The following NRXN3 variants were observed in gnomAD, a reference collection of about 807,000 sequenced individuals.
NRXN3 encodes neurexin III.
NRXN3 carries 32 observed loss-of-function variants against 137.6 expected under a neutral mutation model. The observed-to-expected ratio is 0.23, with a 90% CI of 0.18 to 0.31. The LOEUF (loss-of-function observed/expected upper bound fraction) is 0.31, where lower values mean the gene tolerates loss of function less well. Ranked by LOEUF, NRXN3 falls within the 10% of genes least tolerant of loss-of-function variation. The pLI is 1.00. For synonymous variants in NRXN3, 798 were observed against 784.5 expected, an observed-to-expected ratio of 1.02 and a Z score of -0.29; for missense variants, 1,574 against 2,062.5, an observed-to-expected ratio of 0.76 and a Z score of 4.59.
chr14:79,308,925 AT>A (rs2086665473), intron 15 of NRXN3, among the ~76,000 whole-genome samples: 4 of 97,606 alleles, frequency 4.1e-5, no homozygotes, highest in East Asian at 5.7e-4. Context: ...TTATTTATTT[AT>A]TTTTTAATTT....
intron 10 of NRXN3, among the ~76,000 whole-genome samples, chr14:78,851,036 ATATC>A (rs2099041123): frequency 6.6e-6 from 1 of 152,156 alleles, no homozygotes; most frequent in Non-Finnish European, 1.5e-5. Flanking sequence ...GACTAAACAG[ATATC>A]TTTTGTAAAA....
chr14:79,402,859 T>C (rs1318734834), intron 15 of NRXN3, among the ~76,000 whole-genome samples: 1 of 152,212 alleles, frequency 6.6e-6, no homozygotes, highest in Non-Finnish European at 1.5e-5. Flanking sequence ...ACTCAGAATC[T>C]TATAAATCTT....
chr14:79,149,618 A>T (rs1434392303), intron 15 of NRXN3, among the ~76,000 whole-genome samples: 1 of 152,128 alleles, frequency 6.6e-6, no homozygotes, highest in African/African-American at 2.4e-5. Context: ...AATGCCCATC[A>T]ATGATAGACT....
chr14:79,842,345 A>G lies in NRXN3; in HGVS notation c.4094-18997A>G, dbSNP rs11845443. Among the ~76,000 whole-genome samples the G allele has an allele frequency of 8.5e-4, 129 of 152,292 alleles. 2 individuals are homozygous for G. Among genetic ancestry groups the G allele is most frequent in the African/African-American group, 3.0e-3 (123 of 41,568 alleles). ...AGATGTGAAGGGCCTCTGAGAAGTA[A>G]AATTGTAGCAGAGACCTAAATAACG... On this transcript the variant is annotated intron_variant, in intron 20 of 20. Coordinates refer to ENST00000335750, the MANE Select transcript of NRXN3 (RefSeq NM_001330195.2).
intron 2 of NRXN3, among the ~76,000 whole-genome samples, chr14:78,249,107 C>A (rs1010071048): frequency 3.3e-5 from 5 of 152,198 alleles, no homozygotes; most frequent in Non-Finnish European, 5.9e-5. Flanking sequence ...TTAAAATCTC[C>A]CCCCTCCCCT....
chr14:78,283,085 C>T (rs904872683), intron 3 of NRXN3: 1 of 152,242 alleles, frequency 6.6e-6, no homozygotes, highest in African/African-American at 2.4e-5. Flanking sequence ...AAGCCCTCGT[C>T]TTCCTCTCTT....
chr14:79,376,195 GGT>G (rs369678546), intron 15 of NRXN3, among the ~76,000 whole-genome samples: 19 of 95,386 alleles, frequency 2.0e-4, no homozygotes, highest in Admixed American at 6.8e-4. Context: ...TATACATGTG[GGT>G]GTGTGTGTGT....
At chr14:78,669,210 G>T (rs2097913792) in intron 6 of NRXN3, among the ~76,000 whole-genome samples, 2 of 152,084 alleles carry the variant, frequency 1.3e-5, no homozygotes, top group Non-Finnish European at 2.9e-5. Flanking sequence ...ATGCAAAATA[G>T]CATGATAAGC....
chr14:79,414,564 T>C (rs2095469266), intron 15 of NRXN3, among the ~76,000 whole-genome samples: 1 of 152,158 alleles, frequency 6.6e-6, no homozygotes, highest in Non-Finnish European at 1.5e-5. Context: ...TCCCCAACTT[T>C]ACTGAGATAT....
intron 16 of NRXN3, among the ~76,000 whole-genome samples, chr14:79,625,908 C>G (rs911173923): frequency 6.6e-6 from 1 of 152,102 alleles, no homozygotes; most frequent in African/African-American, 2.4e-5. Flanking sequence ...GTTTCTTTAT[C>G]TAGAAAACAG....
Position 78,987,977 on chromosome 14 carries a change from T to G in NRXN3, c.3143-45T>G, listed in dbSNP as rs750753620. Reference sequence around the variant, plus strand: ...TGAATCTAATTTTTAACATTTCTTCTCTCTCTCCTTTTTCTTTTTTTCCCC... The same window carrying G: ...TGAATCTAATTTTTAACATTTCTTCGCTCTCTCCTTTTTCTTTTTTTCCCC... On this transcript the variant is annotated intron_variant, in intron 14 of 20. Coordinates refer to ENST00000335750, the MANE Select transcript of NRXN3 (RefSeq NM_001330195.2). 79 of 1,580,968 alleles carry G rather than the reference T, an allele frequency of 5.0e-5. 1 individual carries two copies. The South Asian group carries it at 6.3e-4, about 13-fold the overall frequency.
intron 1 of NRXN3, among the ~76,000 whole-genome samples, chr14:78,232,191 G>A (rs1041946722): frequency 5.3e-5 from 8 of 152,266 alleles, no homozygotes; most frequent in South Asian, 2.1e-4. Context: ...GCTGGGGGCT[G>A]TCTGGTCTGG....
intron 19 of NRXN3, among the ~76,000 whole-genome samples, chr14:79,785,213 C>A (rs1014019585): frequency 2.6e-5 from 4 of 152,090 alleles, no homozygotes; most frequent in African/African-American, 9.7e-5. Context: ...TACTTGCTGC[C>A]CTTTGTATAA....
chr14:79,273,557 C>A (rs1017437940), intron 15 of NRXN3, among the ~76,000 whole-genome samples: 3 of 152,010 alleles, frequency 2.0e-5, no homozygotes, highest in African/African-American at 7.2e-5. Flanking sequence ...TGGCATGAAC[C>A]CAGGAGGCGC....
intron 4 of NRXN3, among the ~76,000 whole-genome samples, chr14:78,330,488 T>A (rs946638399): frequency 2.0e-5 from 3 of 152,176 alleles, no homozygotes; most frequent in African/African-American, 7.2e-5. Context: ...CAAACAAATT[T>A]AAATCTTTCT....
intron 20 of NRXN3, among the ~76,000 whole-genome samples, chr14:79,848,760 T>A (rs1454460818): frequency 2.6e-5 from 4 of 152,088 alleles, no homozygotes; most frequent in African/African-American, 7.2e-5. Context: ...ATGGCCCAGG[T>A]GTTTTAATCT....
At chr14:78,337,351 C>T (rs1329736082) in intron 4 of NRXN3, among the ~76,000 whole-genome samples, 1 of 152,258 alleles carries the variant, frequency 6.6e-6, no homozygotes, top group East Asian at 1.9e-4. Context: ...GAGCAAAGAG[C>T]TGCTCACTTA....
At chr14:79,378,448 A>C (rs772533498) in intron 15 of NRXN3, among the ~76,000 whole-genome samples, 16 of 152,184 alleles carry the variant, frequency 1.1e-4, no homozygotes, top group Non-Finnish European at 2.4e-4. Flanking sequence ...TGGCTTTGTC[A>C]TTGACTTTCT....
intron 4 of NRXN3, among the ~76,000 whole-genome samples, chr14:78,509,797 T>A (rs1190211238): frequency 2.6e-5 from 4 of 152,148 alleles, no homozygotes; most frequent in Non-Finnish European, 5.9e-5. Context: ...CTCTTCTACC[T>A]GCTTGAACCC....
Sources: gnomAD v4.1 joint callset for allele counts (sites outside exome capture counted in the v4.1 genomes callset) on GRCh38, gnomAD v4.1.1 for gene constraint, MANE v1.5 for transcripts, NCBI Gene and HGNC (gene_info 2026-07-23, HGNC 2026-07-21) for gene names.